The following NUDCD1 variants were observed in gnomAD, a reference collection of about 807,000 sequenced individuals.
NUDCD1 encodes the protein nudC domain-containing protein 1.
NUDCD1 carries 60 observed loss-of-function variants against 67.8 expected under a neutral mutation model. The observed-to-expected ratio is 0.88, with a 90% CI of 0.72 to 1.10. The LOEUF is 1.10. NUDCD1 is among the 50% of genes least tolerant of loss of function. The pLI, the probability that NUDCD1 is intolerant of heterozygous loss-of-function variation, is 0.00. For synonymous variants in NUDCD1, 244 were observed against 230.8 expected, an observed-to-expected ratio of 1.06 and a Z score of -0.52; for missense variants, 643 against 695.0, an observed-to-expected ratio of 0.93 and a Z score of 0.84.
intron 8 of NUDCD1, among the ~76,000 whole-genome samples, chr8:109,252,775 T>C (rs546953558): frequency 2.0e-5 from 3 of 152,206 alleles, no homozygotes; most frequent in Non-Finnish European, 1.5e-5. Flanking sequence ...TTTTAAGCTG[T>C]TGGCTGCCCT....
At chr8:109,313,719 T>C (rs2130106389) in intron 2 of NUDCD1, 2 of 460,774 alleles carry the variant, frequency 4.3e-6, no homozygotes, top group Non-Finnish European at 8.5e-6. Flanking sequence ...GGGAAGAACG[T>C]AGAGATAAAC....
At chr8:109,318,299 T>G (rs1317051407) in intron 2 of NUDCD1, among the ~76,000 whole-genome samples, 1 of 152,236 alleles carries the variant, frequency 6.6e-6, no homozygotes, top group African/African-American at 2.4e-5. Flanking sequence ...TCATCTGACT[T>G]CGAGTCAGAA....
chr8:109,284,623 A>T (rs893212252), intron 5 of NUDCD1, among the ~76,000 whole-genome samples: 1 of 152,076 alleles, frequency 6.6e-6, no homozygotes, highest in African/African-American at 2.4e-5. Context: ...TACCAAGAAG[A>T]TCTCTCAAAA....
intron 8 of NUDCD1, among the ~76,000 whole-genome samples, chr8:109,259,091 T>C (rs1813806326): frequency 6.6e-6 from 1 of 152,228 alleles, no homozygotes; most frequent in African/African-American, 2.4e-5. Flanking sequence ...GCACTAAATA[T>C]AAGTCCTTAA....
At chr8:109,325,063 C>T (rs1475582497) in intron 1 of NUDCD1, among the ~76,000 whole-genome samples, 1 of 152,108 alleles carries the variant, frequency 6.6e-6, no homozygotes, top group African/African-American at 2.4e-5. Flanking sequence ...GCACTCCAGC[C>T]TGGGACAGAG....
intron 5 of NUDCD1, 130 bp from the exon 6 acceptor site, chr8:109,281,302 A>G: frequency 6.9e-6 from 4 of 578,334 alleles, no homozygotes; most frequent in East Asian, 2.8e-5. Flanking sequence ...ATAAACAAAC[A>G]TGCACAGATC....
chr8:109,331,515 C>CAAAA (rs59203626), intron 1 of NUDCD1, among the ~76,000 whole-genome samples: 723 of 65,856 alleles, frequency 0.011, 17 homozygotes, highest in African/African-American at 0.035. Context: ...GACTCAGACT[C>CAAAA]AAAAAAAAAA....
intron 7 of NUDCD1, among the ~76,000 whole-genome samples, chr8:109,271,530 A>G (rs1035048162): frequency 1.3e-5 from 2 of 152,154 alleles, no homozygotes; most frequent in Non-Finnish European, 2.9e-5. Context: ...TACAAAATGA[A>G]GCACAAAGAC....
At chr8:109,307,703 A>G (rs1271122370) in intron 2 of NUDCD1, among the ~76,000 whole-genome samples, 3 of 152,202 alleles carry the variant, frequency 2.0e-5, no homozygotes, top group East Asian at 1.9e-4. Flanking sequence ...TGCAGAATGG[A>G]TAAGAATTCA....
chr8:109,243,680 C>T (rs564301788), intron 9 of NUDCD1, among the ~76,000 whole-genome samples: 1 of 152,216 alleles, frequency 6.6e-6, no homozygotes, highest in South Asian at 2.1e-4. Context: ...ACGGATAGGG[C>T]ATCACAGAAC....
intron 5 of NUDCD1, among the ~76,000 whole-genome samples, chr8:109,282,636 G>C (rs1438524473): frequency 7.2e-6 from 1 of 139,362 alleles, no homozygotes; most frequent in Non-Finnish European, 1.5e-5. Flanking sequence ...TGAACAATGA[G>C]AACTCATGGA....
rs574852797 is a variant in NUDCD1 at position 109,275,193 on chromosome 8, A to T, written c.1173+159T>A. 7.2e-5 allele frequency among the ~76,000 whole-genome samples: 11 copies of T among 152,322 alleles called. No individual in the cohort carries two copies. In the East Asian group the frequency reaches 1.9e-3, roughly 27 times the overall value. On this transcript the variant is annotated intron_variant, in intron 7 of 9. Coordinates refer to ENST00000239690, the MANE Select transcript of NUDCD1 (RefSeq NM_032869.4). ...TTACATAGTGTAAGAAATAAATATTAGAACTTAGGCCATATTCAAACATCA... is the reference window on the plus strand; with the variant it reads ...TTACATAGTGTAAGAAATAAATATTTGAACTTAGGCCATATTCAAACATCA...
chr8:109,243,271 T>G lies in NUDCD1; in HGVS notation c.1490A>C (p.Lys497Thr). The change falls in exon 10 of 10, where the codon AAA (lysine) becomes ACA (threonine). Residue 497 changes from lysine to threonine, a missense_variant. Lys to Thr is a moderately conservative substitution (Grantham distance 78). Transcript: ENST00000239690. ...GYVQASKRDK[K>T]FFACAPNYSY... The stretch of plus-strand genomic sequence containing the variant: ...GTAATTTGGAGCACAGGCAAAAAAT[T>G]TTTTGTCTCTCTTTGATGCTTGGAC... 6.2e-7 allele frequency: 1 copy of G among 1,600,916 alleles called. No homozygotes were observed. Among genetic ancestry groups the G allele is most frequent in the Non-Finnish European group, 8.5e-7 (1 of 1,170,238 alleles).
intron 5 of NUDCD1, among the ~76,000 whole-genome samples, chr8:109,285,016 A>C (rs967649547): frequency 2.3e-4 from 34 of 145,696 alleles, no homozygotes; most frequent in Admixed American, 9.6e-4. Context: ...CAAAAAAAAA[A>C]CCCAGAGACT....
chr8:109,308,367 C>T (rs1012504008), intron 2 of NUDCD1, among the ~76,000 whole-genome samples: 10 of 152,056 alleles, frequency 6.6e-5, no homozygotes, highest in African/African-American at 1.9e-4. Context: ...ACACCTACAT[C>T]GGAAAGTCTG....
At chr8:109,263,570 G>C (rs1813920102) in intron 8 of NUDCD1, among the ~76,000 whole-genome samples, 4 of 152,098 alleles carry the variant, frequency 2.6e-5, no homozygotes. Flanking sequence ...CCTGTAAATG[G>C]GGTAAAATCT....
intron 1 of NUDCD1, among the ~76,000 whole-genome samples, chr8:109,322,866 T>C (rs574506989): frequency 4.8e-4 from 73 of 152,352 alleles, no homozygotes; most frequent in African/African-American, 1.7e-3. Flanking sequence ...TATACTATTA[T>C]CTCATTCATT....
At chr8:109,320,988 A>C (rs1257540340) in intron 2 of NUDCD1, among the ~76,000 whole-genome samples, 1 of 152,262 alleles carries the variant, frequency 6.6e-6, no homozygotes, top group African/African-American at 2.4e-5. Flanking sequence ...TAGATAAAAG[A>C]TGGGATCAAG....
chr8:109,261,442 CA>C (rs1382021617), intron 8 of NUDCD1, among the ~76,000 whole-genome samples: 1 of 151,984 alleles, frequency 6.6e-6, no homozygotes, highest in Non-Finnish European at 1.5e-5. Context: ...TTGACTCTCA[CA>C]AACTTAAAGA....
Sources: gnomAD v4.1 joint callset for allele counts (sites outside exome capture counted in the v4.1 genomes callset) on GRCh38, gnomAD v4.1.1 for gene constraint, MANE v1.5 for transcripts, NCBI Gene and HGNC (gene_info 2026-07-23, HGNC 2026-07-21) for gene names.